NME7: variants seen among roughly 807,000 people sequenced by gnomAD.
NME7 encodes the protein NME/NM23 family member 7.
NME7 carries 41 observed loss-of-function variants against 49.1 expected under a neutral mutation model. That is an observed-to-expected ratio of 0.83 (90% confidence interval 0.65 to 1.08). NME7 has a LOEUF of 1.08. Among genes scored for constraint, NME7 ranks in the 50% least tolerant of loss-of-function variants. The pLI, the probability that NME7 is intolerant of heterozygous loss-of-function variation, is 0.00. For synonymous variants in NME7, 139 were observed against 150.6 expected (o/e 0.92, Z 0.56); for missense variants, 423 against 463.4 (o/e 0.91, Z 0.80).
rs1266691674 is a variant in NME7 at position 169,355,222 on chromosome 1, TAG to T, written c.3+12484_3+12485del. 2.0e-4 allele frequency among the ~76,000 whole-genome samples: 12 copies of T among 60,654 alleles called. 2 individuals carry two copies. Among genetic ancestry groups the T allele is most frequent in the African/African-American group, 6.9e-4 (11 of 15,852 alleles). The allele number at this position is 60,654 out of a possible 152,430, so 39.8% of individuals were successfully genotyped here. A position where few individuals can be genotyped will look rare whatever the true frequency, so the allele number is the denominator to read the frequency against. ...AATATATAATATATATTATATATTATAGATATAATATATAATATATTATATAT... is the reference window on the plus strand; with the variant it reads ...AATATATAATATATATTATATATTATATATAATATATAATATATTATATAT... On this transcript the variant is annotated intron_variant, in intron 1 of 11. Coordinates refer to ENST00000367811, the MANE Select transcript of NME7 (RefSeq NM_013330.5).
At chr1:169,287,214 A>C (rs1394663543) in intron 7 of NME7, 89 bp downstream of exon 7, 1 of 1,089,148 alleles carries the variant, frequency 9.2e-7, no homozygotes, top group African/African-American at 1.6e-5. Context: ...CTAAAAGTAT[A>C]CTTTATTTTC....
At chr1:169,170,313 G>A (rs7541564) in intron 10 of NME7, among the ~76,000 whole-genome samples, 54,199 of 151,936 alleles carry the variant, frequency 0.36, 10,440 homozygotes, top group East Asian at 0.73. Flanking sequence ...GGCCAAGGTC[G>A]TAAGTGGGTC....
rs1557837099 is a variant in NME7, at chr1:169,354,986, T to TAG, written c.3+12721_3+12722insCT. Among the ~76,000 whole-genome samples, 38 of 46,916 alleles carry TAG rather than the reference T, an allele frequency of 8.1e-4. 1 individual carries two copies. Among genetic ancestry groups the TAG allele is most frequent in the African/African-American group, 1.6e-3 (29 of 17,656 alleles). The allele number at this position is 46,916 out of a possible 152,430, so 30.8% of individuals were successfully genotyped here. Reference sequence around the variant, plus strand: ...TATATAATATAATTATATATGTTTATATATAATATAATTATATATGTTTAT... The same window carrying TAG: ...TATATAATATAATTATATATGTTTATAGATATAATATAATTATATATGTTTAT... On this transcript the variant is annotated intron_variant, in intron 1 of 11. Transcript: ENST00000367811.
chr1:169,349,521 C>G (rs1653074874), intron 1 of NME7, among the ~76,000 whole-genome samples: 1 of 152,140 alleles, frequency 6.6e-6, no homozygotes, highest in Non-Finnish European at 1.5e-5. Flanking sequence ...TTTCTAACAT[C>G]TAACAAATTA....
chr1:169,132,985 G>C (rs61803315), intron 11 of NME7, among the ~76,000 whole-genome samples, 168 bp from the exon 12 acceptor site: 50,235 of 151,948 alleles, frequency 0.33, 8,843 homozygotes, highest in Non-Finnish European at 0.4. Context: ...GCTCCAGTTT[G>C]AAGTTCCATT....
intron 1 of NME7, among the ~76,000 whole-genome samples, chr1:169,356,468 G>T (rs1653471610): frequency 6.6e-6 from 1 of 152,036 alleles, no homozygotes. Context: ...AAATGGAATA[G>T]TAAGTGCAGC....
chr1:169,331,638 A>T (rs572855207), intron 1 of NME7, among the ~76,000 whole-genome samples: 91 of 152,314 alleles, frequency 6.0e-4, no homozygotes, highest in African/African-American at 2.2e-3. Flanking sequence ...ATACGAAATC[A>T]TACAAATATC....
chr1:169,196,566 T>C (rs1264606027), intron 10 of NME7, among the ~76,000 whole-genome samples: 1 of 152,186 alleles, frequency 6.6e-6, no homozygotes, highest in Non-Finnish European at 1.5e-5. Context: ...AAGAATTAGT[T>C]TTAGAAAAGA....
intron 10 of NME7, among the ~76,000 whole-genome samples, chr1:169,200,453 C>G (rs906735138): frequency 2.6e-5 from 4 of 152,060 alleles, no homozygotes; most frequent in Non-Finnish European, 5.9e-5. Context: ...CATCTGGGGC[C>G]TTATTGACCC....
At chr1:169,352,605 T>C (rs977533542) in intron 1 of NME7, among the ~76,000 whole-genome samples, 21 of 151,940 alleles carry the variant, frequency 1.4e-4, no homozygotes, top group African/African-American at 2.2e-4. Flanking sequence ...GGCATCCAAA[T>C]TGGAAAGGAA....
At chr1:169,353,800 T>C (rs1303907861) in intron 1 of NME7, among the ~76,000 whole-genome samples, 2 of 152,054 alleles carry the variant, frequency 1.3e-5, no homozygotes, top group Non-Finnish European at 2.9e-5. Context: ...ATATGAAAAG[T>C]TGCTCAATAT....
chr1:169,192,927 T>C (rs1161669792), intron 10 of NME7, among the ~76,000 whole-genome samples: 7 of 152,188 alleles, frequency 4.6e-5, no homozygotes, highest in Admixed American at 1.3e-4. Flanking sequence ...TTGGAAAATA[T>C]AGAATTATTT....
chr1:169,152,769 C>G (rs961985024), intron 11 of NME7, among the ~76,000 whole-genome samples: 6 of 152,100 alleles, frequency 3.9e-5, no homozygotes, highest in Non-Finnish European at 7.4e-5. Context: ...GTATACGCGT[C>G]CATTACTCCT....
intron 7 of NME7, among the ~76,000 whole-genome samples, chr1:169,257,546 C>T (rs1474974164): frequency 7.4e-6 from 1 of 134,276 alleles, no homozygotes; most frequent in Non-Finnish European, 1.8e-5. Context: ...ACGCTGGGAG[C>T]TGTAGACCGG....
At chr1:169,176,032 T>C (rs1164737655) in intron 10 of NME7, among the ~76,000 whole-genome samples, 2 of 152,190 alleles carry the variant, frequency 1.3e-5, no homozygotes, top group Admixed American at 6.5e-5. Context: ...AGTGCTCTCT[T>C]GACTCCTCCG....
chr1:169,161,919 G>T (rs965079093), intron 11 of NME7, among the ~76,000 whole-genome samples: 2 of 152,058 alleles, frequency 1.3e-5, no homozygotes, highest in Non-Finnish European at 2.9e-5. Context: ...TGATCCCATA[G>T]GTAACATCAC....
intron 11 of NME7, among the ~76,000 whole-genome samples, chr1:169,165,794 C>T (rs1290246437): frequency 6.6e-6 from 1 of 152,156 alleles, no homozygotes; most frequent in African/African-American, 2.4e-5. Flanking sequence ...TTGATAAGGG[C>T]ATCCTTGACT....
chr1:169,155,222 G>T (rs1374014497), intron 11 of NME7, among the ~76,000 whole-genome samples: 1 of 151,634 alleles, frequency 6.6e-6, no homozygotes, highest in Non-Finnish European at 1.5e-5. Flanking sequence ...ATCAATCAAA[G>T]ACTCCATAAG....
intron 1 of NME7, among the ~76,000 whole-genome samples, chr1:169,357,339 G>A (rs1046877646): frequency 6.6e-6 from 1 of 151,966 alleles, no homozygotes; most frequent in African/African-American, 2.4e-5. Flanking sequence ...GAACCCAAAA[G>A]TGGGCAGAAA....
Sources: gnomAD v4.1 joint callset for allele counts (sites outside exome capture counted in the v4.1 genomes callset) on GRCh38, gnomAD v4.1.1 for gene constraint, MANE v1.5 for transcripts, NCBI Gene and HGNC (gene_info 2026-07-23, HGNC 2026-07-21) for gene names.